Variants in SLC30A8 observed in about 807,000 individuals in gnomAD.
SLC30A8 encodes solute carrier family 30 member 8, also known as proton-coupled zinc antiporter SLC30A8.
A neutral mutation model predicts 36.9 loss-of-function variants in SLC30A8; 27 were observed. The observed-to-expected ratio is 0.73, with a 90% CI of 0.54 to 1.01. The LOEUF is 1.01. Ranked by LOEUF, SLC30A8 falls within the 50% of genes least tolerant of loss-of-function variation. SLC30A8 has a pLI of 0.00. For missense variants in SLC30A8, 439 were observed against 452.0 expected (o/e 0.97, Z 0.26); for synonymous variants, 164 against 172.4 (o/e 0.95, Z 0.38).
chr8:117,009,432 C>A (rs17812503), intron 1 of SLC30A8, among the ~76,000 whole-genome samples: 9 of 152,136 alleles, frequency 5.9e-5, no homozygotes, highest in African/African-American at 1.7e-4. Context: ...ACTAGGTGAA[C>A]AAATTGCTCT....
At chr8:117,125,166 G>A (rs2130909815) in intron 2 of SLC30A8, among the ~76,000 whole-genome samples, 1 of 151,996 alleles carries the variant, frequency 6.6e-6, no homozygotes, top group Admixed American at 6.6e-5. Context: ...ATATATACAG[G>A]ATTTTTATCA....
intron 2 of SLC30A8, among the ~76,000 whole-genome samples, chr8:117,055,170 A>G (rs1478353568): frequency 2.0e-5 from 3 of 152,232 alleles, no homozygotes; most frequent in Non-Finnish European, 4.4e-5. Context: ...GAGCTCAGAA[A>G]GTTCACAAAG....
At chr8:117,034,124 T>G (rs982114826) in intron 1 of SLC30A8, among the ~76,000 whole-genome samples, 3 of 152,242 alleles carry the variant, frequency 2.0e-5, no homozygotes, top group African/African-American at 7.2e-5. Flanking sequence ...AGTGAGGTTA[T>G]TGTCCTGATT....
chr8:117,001,332 C>T (rs747841508), intron 1 of SLC30A8, among the ~76,000 whole-genome samples: 6 of 148,720 alleles, frequency 4.0e-5, no homozygotes, highest in Admixed American at 1.4e-4. Context: ...GTTGATATCA[C>T]GCAAGGCAGA....
chr8:117,025,101 G>T (rs1223050947), intron 1 of SLC30A8, among the ~76,000 whole-genome samples: 2 of 152,186 alleles, frequency 1.3e-5, no homozygotes, highest in East Asian at 3.9e-4. Context: ...CAACTTGTCA[G>T]AAATCTAAAA....
intron 1 of SLC30A8, among the ~76,000 whole-genome samples, chr8:116,981,494 A>C (rs933561900): frequency 1.4e-4 from 22 of 152,180 alleles, no homozygotes; most frequent in African/African-American, 5.3e-4. Context: ...GGAGTTTAGC[A>C]TACAGATTAT....
chr8:117,009,537 A>G (rs1457765429), intron 1 of SLC30A8, among the ~76,000 whole-genome samples: 4 of 152,190 alleles, frequency 2.6e-5, no homozygotes, highest in Admixed American at 2.6e-4. Context: ...ATGGGGACTC[A>G]ATGAATATTA....
intron 1 of SLC30A8, among the ~76,000 whole-genome samples, chr8:116,999,404 A>C (rs1023107566): frequency 6.6e-6 from 1 of 152,176 alleles, no homozygotes; most frequent in Non-Finnish European, 1.5e-5. Context: ...GTAGCAAGAG[A>C]AGTGAGCATG....
chr8:117,064,800 G>A (rs1299322668), intron 2 of SLC30A8, among the ~76,000 whole-genome samples: 1 of 152,200 alleles, frequency 6.6e-6, no homozygotes, highest in Non-Finnish European at 1.5e-5. Context: ...GCCCCATCTG[G>A]GAGAGGAGGA....
chr8:117,136,716 C>T (rs1821378583), intron 1 of SLC30A8, among the ~76,000 whole-genome samples: 1 of 151,888 alleles, frequency 6.6e-6, no homozygotes, highest in Non-Finnish European at 1.5e-5. Context: ...AAATTGTTAA[C>T]CCTATGGATA....
intron 1 of SLC30A8, among the ~76,000 whole-genome samples, chr8:116,953,853 A>G (rs1001163920): frequency 6.6e-6 from 1 of 151,986 alleles, no homozygotes. Context: ...GAAGATCTCT[A>G]CTCCATCTTA....
chr8:116,987,207 A>G (rs1384676573), intron 1 of SLC30A8, among the ~76,000 whole-genome samples: 1 of 150,120 alleles, frequency 6.7e-6, no homozygotes, highest in Non-Finnish European at 1.5e-5. Context: ...AGGTTCTGTT[A>G]AGGATGGATG....
In SLC30A8 at chr8:117,006,955, GTTTTTTTTTTTTTT is replaced by G. The variant is rs869111415; in HGVS notation, c.-265-32248_-265-32235del. On this transcript the variant is annotated intron_variant, in intron 1 of 10. Transcript: ENST00000427715. ...CTGCCACCCCGCTTGGCTAATTCTT[GTTTTTTTTTTTTTT>G]TTTTTTTTTTTTTTTCTGTAGAGAC... 12 of 38,122 alleles carry G rather than the reference GTTTTTTTTTTTTTT, an allele frequency of 3.1e-4. No homozygotes were observed. The East Asian group carries it at 7.7e-3, about 24-fold the overall frequency. 2.4% of individuals were successfully genotyped at this position (38,122 alleles called of 1,614,324 possible).
At chr8:117,101,161 G>A (rs766713604) in intron 2 of SLC30A8, among the ~76,000 whole-genome samples, 1 of 152,124 alleles carries the variant, frequency 6.6e-6, no homozygotes, top group Non-Finnish European at 1.5e-5. Context: ...GAACCCATAT[G>A]GCCCCCAGGA....
At chr8:117,001,148 G>T (rs1815996084) in intron 1 of SLC30A8, among the ~76,000 whole-genome samples, 1 of 149,012 alleles carries the variant, frequency 6.7e-6, no homozygotes. Flanking sequence ...TTATGTTAGG[G>T]ATAGGCTGAT....
intron 2 of SLC30A8, among the ~76,000 whole-genome samples, chr8:117,092,845 C>T (rs1819189552): frequency 6.6e-6 from 1 of 152,186 alleles, no homozygotes; most frequent in Admixed American, 6.5e-5. Flanking sequence ...TGCCTCCTTG[C>T]TTCGGACTGG....
intron 1 of SLC30A8, among the ~76,000 whole-genome samples, chr8:116,965,905 A>G (rs1302045041): frequency 7.2e-6 from 1 of 139,442 alleles, no homozygotes; most frequent in South Asian, 2.2e-4. Context: ...TTTTTTGGAG[A>G]TGGAGTCTTG....
At chr8:116,972,558 G>A (rs1231043788) in intron 1 of SLC30A8, among the ~76,000 whole-genome samples, 1 of 152,224 alleles carries the variant, frequency 6.6e-6, no homozygotes, top group African/African-American at 2.4e-5. Context: ...AGGAGGAGAA[G>A]CTTTAACTTT....
intron 2 of SLC30A8, among the ~76,000 whole-genome samples, chr8:117,101,654 A>G (rs1819728518): frequency 1.3e-5 from 2 of 152,164 alleles, no homozygotes; most frequent in Non-Finnish European, 2.9e-5. Context: ...GTGGACTGGG[A>G]AAGGCAGACC....
Sources: gnomAD v4.1 joint callset for allele counts (sites outside exome capture counted in the v4.1 genomes callset) on GRCh38, gnomAD v4.1.1 for gene constraint, MANE v1.5 for transcripts, NCBI Gene and HGNC (gene_info 2026-07-23, HGNC 2026-07-21) for gene names.